The following RPS6KB1 variants were observed in gnomAD, a reference collection of about 807,000 sequenced individuals.
RPS6KB1 encodes the protein ribosomal protein S6 kinase beta-1.
In RPS6KB1, 12 loss-of-function variants were observed where a neutral mutation model predicts 70.2. The ratio of observed to expected loss-of-function variants is 0.17; its 90% confidence interval spans 0.11 to 0.28. The LOEUF is 0.28. Ranked by LOEUF, RPS6KB1 falls within the 10% of genes least tolerant of loss-of-function variation. The pLI, the probability that RPS6KB1 is intolerant of heterozygous loss-of-function variation, is 1.00. For synonymous variants in RPS6KB1, 175 were observed against 211.2 expected, an observed-to-expected ratio of 0.83 and a Z score of 1.49; for missense variants, 270 against 646.6, an observed-to-expected ratio of 0.42 and a Z score of 6.32.
intron 5 of RPS6KB1, among the ~76,000 whole-genome samples, chr17:59,928,387 T>TC (rs1391945458): frequency 7.6e-6 from 1 of 131,936 alleles, no homozygotes; most frequent in East Asian, 2.5e-4. Context: ...TCTTTTCTTT[T>TC]CTTTTTTTTT....
intron 4 of RPS6KB1, among the ~76,000 whole-genome samples, chr17:59,922,257 T>C (rs2043310066): frequency 6.6e-6 from 1 of 152,012 alleles, no homozygotes. Context: ...GCCAGGCTGG[T>C]CTCAAACTCC....
At chr17:59,914,425 G>C (rs752453066) in intron 3 of RPS6KB1, among the ~76,000 whole-genome samples, 2 of 152,132 alleles carry the variant, frequency 1.3e-5, no homozygotes, top group Non-Finnish European at 2.9e-5. Context: ...TTTATTATTA[G>C]ATGGTCATTG....
chr17:59,922,867 T>G (rs62081838), intron 4 of RPS6KB1, among the ~76,000 whole-genome samples: 8 of 133,726 alleles, frequency 6.0e-5, no homozygotes, highest in Non-Finnish European at 1.3e-4. Flanking sequence ...TAAAAAAATT[T>G]GTTTGTTTTT....
intron 1 of RPS6KB1, among the ~76,000 whole-genome samples, chr17:59,898,960 T>C (rs954378950): frequency 4.0e-5 from 6 of 151,042 alleles, no homozygotes; most frequent in Admixed American, 3.3e-4. Flanking sequence ...CCCAGCACTT[T>C]GGGAGGCCAA....
chr17:59,894,284 A>G (rs2041367212), intron 1 of RPS6KB1, among the ~76,000 whole-genome samples: 1 of 152,138 alleles, frequency 6.6e-6, no homozygotes, highest in Non-Finnish European at 1.5e-5. Context: ...TTCCCTAGAT[A>G]AATTTATCAA....
chr17:59,940,444 G>A (rs1328732367), intron 12 of RPS6KB1, among the ~76,000 whole-genome samples: 1 of 151,816 alleles, frequency 6.6e-6, no homozygotes, highest in Non-Finnish European at 1.5e-5. Flanking sequence ...ACGCCACCAT[G>A]CCTGGCTAAT....
At chr17:59,914,493 G>T in intron 3 of RPS6KB1, 142 bp from the exon 4 acceptor site, 1 of 691,566 alleles carries the variant, frequency 1.4e-6, no homozygotes, top group East Asian at 2.6e-5. Context: ...TCATTAATGT[G>T]GTCTGTTCTT....
chr17:59,950,376 G>C lies in RPS6KB1; in HGVS notation c.*3588G>C, dbSNP rs1005650180. The C allele has an allele frequency of 6.6e-6, 1 of 152,348 alleles. No homozygotes were observed. The highest frequency in any genetic ancestry group is 2.4e-5 in the African/African-American group (1 of 41,368). The allele number at this position is 152,348 out of a possible 1,614,324, so 9.4% of individuals were successfully genotyped here. On this transcript the variant is annotated 3_prime_UTR_variant, in exon 15 of 15. Transcript: ENST00000225577. ...TTAGTTGACTGTATTATTTGATTTC[G>C]GATTGAATGAATGTAAATAGAAATT...
intron 1 of RPS6KB1, among the ~76,000 whole-genome samples, chr17:59,898,767 A>G (rs1348737666): frequency 6.6e-6 from 1 of 151,658 alleles, no homozygotes; most frequent in African/African-American, 2.4e-5. Flanking sequence ...AGCAGCAACT[A>G]TTTTTAAATA....
chr17:59,940,818 T>C lies in RPS6KB1; in HGVS notation c.1120-18T>C. ...ATGGACTATTTATTATTTTCTAAATTATTTTGTTTGTATAAAGCAATCTGA... is the reference window on the plus strand; with the variant it reads ...ATGGACTATTTATTATTTTCTAAATCATTTTGTTTGTATAAAGCAATCTGA... On this transcript the variant is annotated intron_variant, in intron 12 of 14. Coordinates refer to ENST00000225577, the MANE Select transcript of RPS6KB1 (RefSeq NM_003161.4). 1 of 1,410,570 alleles carries C rather than the reference T, an allele frequency of 7.1e-7. No individual in the cohort carries two copies. Among genetic ancestry groups the C allele is most frequent in the Non-Finnish European group, 9.9e-7 (1 of 1,011,336 alleles). 87.4% of individuals were successfully genotyped at this position (1,410,570 alleles called of 1,614,324 possible).
intron 1 of RPS6KB1, among the ~76,000 whole-genome samples, chr17:59,909,749 C>CA (rs1290175842): frequency 3.3e-5 from 5 of 151,984 alleles, no homozygotes; most frequent in African/African-American, 1.2e-4. Context: ...AGTGTTGACT[C>CA]ACGCCTGTAA....
intron 4 of RPS6KB1, among the ~76,000 whole-genome samples, chr17:59,917,951 G>C (rs1489753567): frequency 6.6e-6 from 1 of 150,918 alleles, no homozygotes; most frequent in African/African-American, 2.4e-5. Context: ...ATTTTTTTTT[G>C]AGATGGAGTT....
chr17:59,912,139 G>C (rs2042680853), intron 2 of RPS6KB1: 1 of 154,510 alleles, frequency 6.5e-6, no homozygotes, highest in African/African-American at 2.4e-5. Flanking sequence ...TGGGGTGCTT[G>C]ATGCTTATGA....
At chr17:59,908,784 A>G (rs1048056041) in intron 1 of RPS6KB1, among the ~76,000 whole-genome samples, 2 of 137,566 alleles carry the variant, frequency 1.5e-5, no homozygotes, top group African/African-American at 5.7e-5. Flanking sequence ...ACGCCCGGCT[A>G]ATTTTTTGTA....
chr17:59,939,630 G>A (rs2044461636), intron 12 of RPS6KB1, among the ~76,000 whole-genome samples: 1 of 152,234 alleles, frequency 6.6e-6, no homozygotes, highest in South Asian at 2.1e-4. Context: ...TGCTGGTGCA[G>A]TGAATGCTGG....
chr17:59,915,801 T>TTTTG (rs2042925832), intron 4 of RPS6KB1, among the ~76,000 whole-genome samples: 1 of 119,316 alleles, frequency 8.4e-6, no homozygotes, highest in Non-Finnish European at 2.0e-5. Flanking sequence ...TTTTTTTTTA[T>TTTTG]TGTGACAGAG....
At chr17:59,937,786 A>G (rs917175195) in intron 12 of RPS6KB1, among the ~76,000 whole-genome samples, 1 of 152,198 alleles carries the variant, frequency 6.6e-6, no homozygotes, top group Non-Finnish European at 1.5e-5. Flanking sequence ...TTAGAATTTC[A>G]ATGTACGAAA....
In RPS6KB1 at chr17:59,934,550, GTAT is replaced by G. The variant is rs1176011592; in HGVS notation, c.870+31_870+33del. 3.2e-6 allele frequency: 5 copies of G among 1,542,794 alleles called. No individual in the cohort carries two copies. The Admixed American group carries it at 6.7e-5, about 21-fold the overall frequency. On this transcript the variant is annotated intron_variant, in intron 9 of 14. Coordinates refer to ENST00000225577, the MANE Select transcript of RPS6KB1 (RefSeq NM_003161.4). The surrounding 1 kb of genome is among the most constrained non-coding windows in gnomAD (Gnocchi z 4.8). ...GTAGGTGCACAGTTAAAAGCTGCAT[GTAT>G]TATTGGTCTGTGCTGAGTCACTATA... is the stretch of plus-strand genomic sequence containing the variant.
chr17:59,940,275 CTTTTTTTTTT>C (rs559026454), intron 12 of RPS6KB1, among the ~76,000 whole-genome samples: 6 of 81,490 alleles, frequency 7.4e-5, no homozygotes, highest in Non-Finnish European at 9.4e-5. Flanking sequence ...GATATATTCA[CTTTTTTTTTT>C]TTTTTTTTTT....
Sources: allele counts gnomAD v4.1 joint callset (sites outside exome capture counted in the v4.1 genomes callset), GRCh38; gene constraint gnomAD v4.1.1; non-coding constraint Gnocchi (gnomAD v3.1); transcripts MANE v1.5; gene names NCBI Gene and HGNC (gene_info 2026-07-23, HGNC 2026-07-21).